RYR2: variants seen among roughly 807,000 people sequenced by gnomAD.
RYR2 encodes cardiac muscle ryanodine receptor-calcium release channel.
In RYR2, 227 loss-of-function variants were observed where a neutral mutation model predicts 601.1. The observed-to-expected ratio is 0.38, with a 90% confidence interval of 0.34 to 0.42. The LOEUF is 0.42. Ranked by LOEUF, RYR2 falls within the 10% of genes least tolerant of loss-of-function variation. The pLI is 1.00. For synonymous variants in RYR2, 2,223 were observed against 2,175.1 expected (o/e 1.02, Z -0.61); for missense variants, 4,646 against 6,156.5 (o/e 0.75, Z 8.21).
At chr1:237,650,364 G>A (rs1408316687) in intron 50 of RYR2, among the ~76,000 whole-genome samples, 1 of 152,132 alleles carries the variant, frequency 6.6e-6, no homozygotes, top group Non-Finnish European at 1.5e-5. Flanking sequence ...CTGGATGTTG[G>A]GAGTGGGGAG....
chr1:237,337,157 C>T (rs951810364), intron 3 of RYR2, among the ~76,000 whole-genome samples: 19 of 150,598 alleles, frequency 1.3e-4, no homozygotes, highest in Admixed American at 1.2e-3. Context: ...GAGGCTGAGG[C>T]ACGAGAATCA....
At chr1:237,369,300 T>C (rs1240232695) in intron 5 of RYR2, among the ~76,000 whole-genome samples, 6 of 152,204 alleles carry the variant, frequency 3.9e-5, no homozygotes, top group African/African-American at 1.4e-4. Flanking sequence ...TATTTACTGA[T>C]ACCAAGTTTA....
At chr1:237,740,936 A>G (rs1049464120) in intron 79 of RYR2, among the ~76,000 whole-genome samples, 1 of 152,186 alleles carries the variant, frequency 6.6e-6, no homozygotes, top group Non-Finnish European at 1.5e-5. Flanking sequence ...CTGTTTTGCT[A>G]AAGTTCTCAT....
At chr1:237,799,361 A>G (rs527646478) in intron 97 of RYR2, among the ~76,000 whole-genome samples, 2 of 152,306 alleles carry the variant, frequency 1.3e-5, no homozygotes, top group Admixed American at 1.3e-4. Context: ...ATAGAATTAA[A>G]TAGTTTTACT....
At position 237,325,295 on chromosome 1, in the gene RYR2, G is replaced by A. The variant is rs540351790; in HGVS notation, c.169-5583G>A. Among the ~76,000 whole-genome samples, 7 of 152,272 alleles carry A rather than the reference G, an allele frequency of 4.6e-5. 1 individual carries two copies. The highest frequency in any genetic ancestry group is 3.9e-4 in the East Asian group (2 of 5,188). ...ATTTAAAAATGGTAATTTATATAGC[G>A]TGAACCCATTAATGGAAAAAGCTAA... is the stretch of plus-strand genomic sequence containing the variant. On this transcript the variant is annotated intron_variant, in intron 2 of 104. Coordinates refer to ENST00000366574, the MANE Select transcript of RYR2 (RefSeq NM_001035.3).
Position 237,700,219 on chromosome 1 carries a change from T to A in RYR2, c.9129-10T>A, listed in dbSNP as rs876657993. Reference sequence around the variant, plus strand: ...TGGAAGATACGAGTCCTCCCTTATTTACTTTCTAGGACAGTGATGAAGACT... The same window carrying A: ...TGGAAGATACGAGTCCTCCCTTATTAACTTTCTAGGACAGTGATGAAGACT... On this transcript the variant is annotated splice_polypyrimidine_tract_variant and intron_variant, in intron 64 of 104. Transcript: ENST00000366574. 4 of 1,483,860 alleles carry A rather than the reference T, an allele frequency of 2.7e-6. No individual in the cohort carries two copies. The highest frequency in any genetic ancestry group is 3.7e-6 in the Non-Finnish European group (4 of 1,085,404). The allele number at this position is 1,483,860 out of a possible 1,614,324, so 91.9% of individuals were successfully genotyped here.
chr1:237,811,930 AATTCCTCAACT>A (rs1292800277), intron 100 of RYR2, among the ~76,000 whole-genome samples: 1 of 152,184 alleles, frequency 6.6e-6, no homozygotes, highest in Non-Finnish European at 1.5e-5. Flanking sequence ...CCATAAACTT[AATTCCTCAACT>A]GGAAGAAAAT....
chr1:237,204,561 C>T (rs951178246), intron 1 of RYR2, among the ~76,000 whole-genome samples: 6 of 151,734 alleles, frequency 4.0e-5, no homozygotes, highest in South Asian at 2.1e-4. Flanking sequence ...ATTCAGGTGA[C>T]GGGGTCCCAC....
chr1:237,540,927 A>C (rs890893232), intron 25 of RYR2, among the ~76,000 whole-genome samples: 8 of 143,968 alleles, frequency 5.6e-5, no homozygotes, highest in Non-Finnish European at 1.1e-4. Flanking sequence ...ATATATATAT[A>C]TATGTATGCA....
chr1:237,583,954 C>G (rs1674218809), intron 29 of RYR2, among the ~76,000 whole-genome samples: 1 of 152,196 alleles, frequency 6.6e-6, no homozygotes, highest in African/African-American at 2.4e-5. Context: ...TAAGTTGTAG[C>G]TACTGTTTTA....
intron 5 of RYR2, among the ~76,000 whole-genome samples, chr1:237,364,585 C>A (rs2149728283): frequency 6.6e-6 from 1 of 151,970 alleles, no homozygotes; most frequent in Admixed American, 6.6e-5. Flanking sequence ...TGTAACTTTT[C>A]TTCACATGCT....
chr1:237,423,366 T>C, intron 12 of RYR2, 118 bp downstream of exon 12: 1 of 1,220,986 alleles, frequency 8.2e-7, no homozygotes, highest in Non-Finnish European at 1.1e-6. Context: ...TATGTGTATT[T>C]CTAAATTCCC....
At chr1:237,295,583 A>G (rs1228997608) in intron 2 of RYR2, among the ~76,000 whole-genome samples, 1 of 152,228 alleles carries the variant, frequency 6.6e-6, no homozygotes, top group Non-Finnish European at 1.5e-5. Flanking sequence ...ATGTATAATT[A>G]ACTCTATGTA....
chr1:237,102,376 A>T (rs1249047574), intron 1 of RYR2, among the ~76,000 whole-genome samples: 3 of 152,206 alleles, frequency 2.0e-5, no homozygotes, highest in Non-Finnish European at 2.9e-5. Context: ...GCACACACAC[A>T]TACACAGCAG....
At chr1:237,767,508 G>A (rs1166485279) in intron 84 of RYR2, among the ~76,000 whole-genome samples, 1 of 151,998 alleles carries the variant, frequency 6.6e-6, no homozygotes, top group Non-Finnish European at 1.5e-5. Context: ...ATATGACATT[G>A]GTTATTTAAT....
At chr1:237,744,642 G>A (rs879706869) in intron 80 of RYR2, among the ~76,000 whole-genome samples, 35 of 150,892 alleles carry the variant, frequency 2.3e-4, no homozygotes, top group Non-Finnish European at 4.6e-4. Context: ...GGCGACAAGA[G>A]TGAAACTCCG....
intron 58 of RYR2, among the ~76,000 whole-genome samples, chr1:237,671,382 A>G (rs1480498063): frequency 6.6e-6 from 1 of 152,052 alleles, no homozygotes; most frequent in South Asian, 2.1e-4. Flanking sequence ...AGAGACATTA[A>G]TAGTGGGGAG....
chr1:237,121,037 T>TGTGTGTGTGTGTGTGTGCAC (rs1303297050), intron 1 of RYR2: 2 of 151,534 alleles, frequency 1.3e-5, no homozygotes, highest in Non-Finnish European at 2.9e-5. Context: ...ATGCTGTGTG[T>TGTGTGTGTGTGTGTGTGCAC]GTGTGTGTGT....
In RYR2 at chr1:237,625,658, T is replaced by C. The variant is rs775418323; in HGVS notation, c.6023-3T>C. 1.2e-6 allele frequency: 2 copies of C among 1,609,240 alleles called. No individual in the cohort carries two copies. Among genetic ancestry groups the C allele is most frequent in the Non-Finnish European group, 1.7e-6 (2 of 1,178,260 alleles). On this transcript the variant is annotated splice_region_variant and splice_polypyrimidine_tract_variant and intron_variant, in intron 39 of 104. Transcript: ENST00000366574. ...TTTCTGCCTCTCTGTTTTTTTATAC[T>C]AGGAATTGAGCTGGATGAAGATGGG...
Sources: gnomAD v4.1 joint callset for allele counts (sites outside exome capture counted in the v4.1 genomes callset) on GRCh38, gnomAD v4.1.1 for gene constraint, MANE v1.5 for transcripts, NCBI Gene and HGNC (gene_info 2026-07-23, HGNC 2026-07-21) for gene names.